Variants in PPP2R3A observed in about 807,000 individuals in gnomAD.
The protein encoded by PPP2R3A is serine/threonine-protein phosphatase 2A regulatory subunit B'' subunit alpha.
Under a neutral mutation model 106.9 loss-of-function variants are expected in PPP2R3A, and 80 were observed. That is an observed-to-expected ratio of 0.75 (90% CI 0.62 to 0.90). PPP2R3A has a LOEUF of 0.90. Ranked by LOEUF, PPP2R3A falls within the 40% of genes least tolerant of loss-of-function variation. The pLI, the probability that PPP2R3A is intolerant of heterozygous loss-of-function variation, is 0.00. For missense variants in PPP2R3A, 1,386 were observed against 1,350.4 expected, an observed-to-expected ratio of 1.03 and a Z score of -0.41; for synonymous variants, 483 against 468.3, an observed-to-expected ratio of 1.03 and a Z score of -0.41.
intron 3 of PPP2R3A, among the ~76,000 whole-genome samples, chr3:136,040,265 T>A (rs1935221014): frequency 6.6e-6 from 1 of 152,190 alleles, no homozygotes; most frequent in African/African-American, 2.4e-5. Flanking sequence ...GTAAGCCAAG[T>A]ATAATGGCTC....
intron 5 of PPP2R3A, among the ~76,000 whole-genome samples, chr3:136,052,392 C>A (rs978124227): frequency 1.3e-5 from 2 of 152,172 alleles, no homozygotes; most frequent in African/African-American, 4.8e-5. Context: ...TTCTGCTGGA[C>A]AGCCCCTTGT....
At chr3:136,000,393 C>T (rs9846554) in intron 1 of PPP2R3A, among the ~76,000 whole-genome samples, 97,733 of 152,070 alleles carry the variant, frequency 0.64, 33,401 homozygotes, top group African/African-American at 0.88. Context: ...AAAAGCTGTT[C>T]TTTAAAAAGA....
In PPP2R3A at chr3:136,002,488, A is replaced by G. The variant is rs1933670007; in HGVS notation, c.990A>G (p.Gln330=). 3.1e-6 allele frequency: 5 copies of G among 1,613,994 alleles called. No homozygotes were observed. Among genetic ancestry groups the G allele is most frequent in the African/African-American group, 1.3e-5 (1 of 74,990 alleles). The change falls in exon 2 of 14, where the codon CAA becomes CAG. Residue 330 remains glutamine (Q), a synonymous_variant. Transcript: ENST00000264977. ...TPFSPVFGTE[Q]PPKYEDVVQL... is the part of the protein sequence containing the mutation. ...TCTCCCCAGTGTTTGGCACTGAACA[A>G]CCCCCTAAATATGAAGATGTTGTCC... is the stretch of plus-strand genomic sequence containing the variant.
chr3:136,041,262 G>GTTTTTTTTTT (rs71157355), intron 4 of PPP2R3A, among the ~76,000 whole-genome samples: 1 of 96,594 alleles, frequency 1.0e-5, no homozygotes, highest in Non-Finnish European at 1.9e-5. Context: ...TTTTTTTTTT[G>GTTTTTTTTTT]TTTTTTTTTT....
At chr3:136,077,459 T>A (rs1936633886) in intron 6 of PPP2R3A, among the ~76,000 whole-genome samples, 1 of 152,142 alleles carries the variant, frequency 6.6e-6, no homozygotes, top group African/African-American at 2.4e-5. Context: ...GATACAGGAT[T>A]TCTGTATTAT....
intron 2 of PPP2R3A, among the ~76,000 whole-genome samples, chr3:136,009,220 C>T (rs918893578): frequency 6.6e-6 from 1 of 152,134 alleles, no homozygotes; most frequent in East Asian, 1.9e-4. Flanking sequence ...ATTCCCACCC[C>T]CTATCCCACT....
intron 5 of PPP2R3A, among the ~76,000 whole-genome samples, chr3:136,059,309 G>A (rs1023556776): frequency 6.6e-6 from 1 of 151,778 alleles, no homozygotes; most frequent in African/African-American, 2.4e-5. Context: ...ACATAAAAAA[G>A]TGAGCAAAAT....
chr3:135,974,244 C>T (rs895604890), intron 1 of PPP2R3A, among the ~76,000 whole-genome samples: 13 of 152,164 alleles, frequency 8.5e-5, no homozygotes, highest in Admixed American at 8.5e-4. Context: ...TCCATTCTTC[C>T]TTATTGACTC....
chr3:136,103,477 G>A, intron 12 of PPP2R3A, 101 bp downstream of exon 12: 3 of 794,026 alleles, frequency 3.8e-6, no homozygotes, highest in Non-Finnish European at 4.0e-6. Context: ...TCGGTAAAGA[G>A]GTAACATTTG....
rs1160060556 is a variant in PPP2R3A at position 136,013,180 on chromosome 3, G to GTGTGTA, written c.1995+9690_1995+9691insGTATGT. ...ATGGTGTGTGTGTGTGTGTGTGTGT[G>GTGTGTA]TGTATGTATGTATGTATGTATGTAT... On this transcript the variant is annotated intron_variant, in intron 2 of 13. Transcript: ENST00000264977. 2.7e-3 allele frequency among the ~76,000 whole-genome samples: 378 copies of GTGTGTA among 142,260 alleles called. 2 individuals are homozygous for GTGTGTA. The highest frequency in any genetic ancestry group is 6.7e-3 in the African/African-American group (266 of 39,456). 93.3% of individuals were successfully genotyped at this position (142,260 alleles called of 152,430 possible).
chr3:136,129,447 T>C (rs1348512524), intron 13 of PPP2R3A, among the ~76,000 whole-genome samples: 1 of 152,006 alleles, frequency 6.6e-6, no homozygotes, highest in Non-Finnish European at 1.5e-5. Flanking sequence ...GACAGATACA[T>C]CCTCCCAAGA....
chr3:136,125,398 A>G (rs1487489287), intron 13 of PPP2R3A, among the ~76,000 whole-genome samples: 1 of 152,206 alleles, frequency 6.6e-6, no homozygotes, highest in African/African-American at 2.4e-5. Flanking sequence ...TATTTAAGGG[A>G]AAAAAATACC....
chr3:136,045,827 C>T (rs1157554984), intron 4 of PPP2R3A, among the ~76,000 whole-genome samples: 5 of 152,170 alleles, frequency 3.3e-5, no homozygotes, highest in Non-Finnish European at 5.9e-5. Flanking sequence ...TGAATTACAG[C>T]ACCAAAAAAT....
intron 13 of PPP2R3A, among the ~76,000 whole-genome samples, chr3:136,118,441 C>T (rs1937865287): frequency 6.6e-6 from 1 of 152,204 alleles, no homozygotes; most frequent in Non-Finnish European, 1.5e-5. Flanking sequence ...CAAATTGTCC[C>T]TGTTTGCAGA....
intron 1 of PPP2R3A, among the ~76,000 whole-genome samples, chr3:135,997,480 C>T (rs888351903): frequency 2.6e-5 from 4 of 152,148 alleles, no homozygotes; most frequent in African/African-American, 9.7e-5. Context: ...GTCCAGAGCT[C>T]CCCTCACTTT....
chr3:136,093,799 A>G (rs1217155876), intron 10 of PPP2R3A, among the ~76,000 whole-genome samples: 1 of 152,232 alleles, frequency 6.6e-6, no homozygotes, highest in Non-Finnish European at 1.5e-5. Flanking sequence ...TACAATAGGA[A>G]TGTAAAATGG....
intron 1 of PPP2R3A, among the ~76,000 whole-genome samples, chr3:135,995,536 C>G (rs1322445754): frequency 6.8e-6 from 1 of 147,202 alleles, no homozygotes; most frequent in African/African-American, 2.5e-5. Flanking sequence ...CTCACTGCAG[C>G]CTTAGACTCA....
At chr3:136,022,822 G>A in intron 2 of PPP2R3A, 3 of 1,264,654 alleles carry the variant, frequency 2.4e-6, no homozygotes, top group South Asian at 1.8e-5. Flanking sequence ...ACTGCAGGCT[G>A]TGTTTATAAC....
At chr3:136,069,898 A>G (rs1368181670) in intron 5 of PPP2R3A, among the ~76,000 whole-genome samples, 1 of 152,258 alleles carries the variant, frequency 6.6e-6, no homozygotes, top group Non-Finnish European at 1.5e-5. Context: ...CAATGAGAAC[A>G]AGATTAAAGA....
Sources: gnomAD v4.1 joint callset for allele counts (sites outside exome capture counted in the v4.1 genomes callset) on GRCh38, gnomAD v4.1.1 for gene constraint, MANE v1.5 for transcripts, NCBI Gene and HGNC (gene_info 2026-07-23, HGNC 2026-07-21) for gene names.